The following IPO5 variants were observed in gnomAD, a reference collection of about 807,000 sequenced individuals.
IPO5 encodes the protein importin 5, also known as importin-5.
Under a neutral mutation model 143.3 loss-of-function variants are expected in IPO5, and 18 were observed. The observed-to-expected ratio is 0.13, with a 90% CI of 0.09 to 0.19. The LOEUF is 0.19. Among genes scored for constraint, IPO5 ranks in the 10% least tolerant of loss-of-function variants. The pLI is 1.00. For synonymous variants in IPO5, 477 were observed against 465.7 expected, an observed-to-expected ratio of 1.02 and a Z score of -0.31; for missense variants, 1,013 against 1,336.9, an observed-to-expected ratio of 0.76 and a Z score of 3.78.
intron 6 of IPO5, 36 bp from the exon 7 acceptor site, chr13:97,989,026 T>C: frequency 8.0e-7 from 1 of 1,251,678 alleles, no homozygotes; most frequent in Non-Finnish European, 1.2e-6. Context: ...AAGTTCTGAC[T>C]TACACAACTT....
intron 2 of IPO5, among the ~76,000 whole-genome samples, chr13:97,956,232 A>C (rs1884452269): frequency 6.6e-6 from 1 of 152,184 alleles, no homozygotes. Context: ...TACATGTTTA[A>C]AGAATTTTCT....
At chr13:98,002,346 T>C (rs895450735) in intron 13 of IPO5, 121 bp from the exon 14 acceptor site, 6 of 868,072 alleles carry the variant, frequency 6.9e-6, no homozygotes, top group Non-Finnish European at 1.1e-5. Context: ...TATATACATA[T>C]ACCCTTTTCA....
intron 25 of IPO5, among the ~76,000 whole-genome samples, chr13:98,017,448 C>T (rs1175781952): frequency 2.6e-5 from 4 of 151,896 alleles, no homozygotes; most frequent in South Asian, 2.1e-4. Context: ...TTCAGACGCA[C>T]GCCACCACAC....
chr13:98,008,643 C>T (rs1889459128), intron 18 of IPO5, among the ~76,000 whole-genome samples: 1 of 152,128 alleles, frequency 6.6e-6, no homozygotes, highest in Non-Finnish European at 1.5e-5. Context: ...TTAGGAGGAA[C>T]CCCTGCCTCT....
intron 2 of IPO5, chr13:97,963,313 T>C (rs1885039981): frequency 6.6e-6 from 1 of 152,080 alleles, no homozygotes; most frequent in South Asian, 2.1e-4. Context: ...CACTATTCAA[T>C]TCCATTGATC....
At chr13:98,010,531 G>C (rs1392629700) in intron 20 of IPO5, among the ~76,000 whole-genome samples, 1 of 151,978 alleles carries the variant, frequency 6.6e-6, no homozygotes, top group Non-Finnish European at 1.5e-5. Flanking sequence ...ATTTTTGTTG[G>C]TTTTGTTCTT....
In IPO5 at chr13:97,985,663, CTTT is replaced by C. The variant is rs11366582; in HGVS notation, c.364+62_364+64del. On this transcript the variant is annotated intron_variant, in intron 6 of 28. Transcript: ENST00000651721. ...TACCAAGAACATGGGTATATCCTTC[CTTT>C]TTTTTTTTTTTAATGGAATCTTTTA... 276 of 930,176 alleles carry C rather than the reference CTTT, an allele frequency of 3.0e-4. 1 individual carries two copies. Among genetic ancestry groups the C allele is most frequent in the African/African-American group, 5.8e-4 (33 of 56,456 alleles). The allele number at this position is 930,176 out of a possible 1,614,324, so 57.6% of individuals were successfully genotyped here.
Position 97,990,214 on chromosome 13 carries a change from C to G in IPO5, c.556C>G (p.His186Asp), listed in dbSNP as rs1887693554. The change falls in exon 8 of 29, where the codon CAC becomes GAC. Residue 186 changes from histidine (H) to aspartate (D), a missense_variant. By Grantham distance (81) the His-to-Asp change is moderately conservative. This residue lies in a region of IPO5 where 328 missense variants were observed against 342.0 expected (regional missense o/e 0.96). Coordinates refer to ENST00000651721, the MANE Select transcript of IPO5 (RefSeq NM_002271.6). ...AGTTCAGTGTATGCAAGATCAGGAA[C>G]ACCCGTCGGTAAATAATTTCAATCC... ...MLVQCMQDQEHPSIRTLSARA... is the reference protein window; with the variant it reads ...MLVQCMQDQEDPSIRTLSARA... 1 of 1,595,926 alleles carries G rather than the reference C, an allele frequency of 6.3e-7. No homozygotes were observed. The highest frequency in any genetic ancestry group is 8.6e-7 in the Non-Finnish European group (1 of 1,164,230).
chr13:97,990,897 T>C (rs974523389), intron 9 of IPO5, among the ~76,000 whole-genome samples: 2 of 152,126 alleles, frequency 1.3e-5, no homozygotes, highest in Non-Finnish European at 2.9e-5. Context: ...TTACAGGGTG[T>C]GTAATAGTTT....
Position 97,976,680 on chromosome 13 carries a change from C to T in IPO5, c.-4-13C>T, listed in dbSNP as rs770234227. ...GCTCCTGTCTCCCCTCCCTCCTTCT[C>T]TCTCACGCCTAGCGCAATGGCGGCG... On this transcript the variant is annotated splice_polypyrimidine_tract_variant and intron_variant, in intron 3 of 28. Transcript: ENST00000651721. 2.3e-6 allele frequency: 3 copies of T among 1,317,556 alleles called. No homozygotes were observed. The highest frequency in any genetic ancestry group is 1.6e-5 in the African/African-American group (1 of 63,696). The allele number at this position is 1,317,556 out of a possible 1,614,324, so 81.6% of individuals were successfully genotyped here.
intron 20 of IPO5, among the ~76,000 whole-genome samples, chr13:98,010,577 CAAAT>C: frequency 6.6e-6 from 1 of 151,992 alleles, no homozygotes; most frequent in Non-Finnish European, 1.5e-5. Context: ...GTTTTTTAAA[CAAAT>C]GAACAGAAGT....
chr13:98,007,838 C>T (rs1323655919), intron 17 of IPO5, among the ~76,000 whole-genome samples: 2 of 152,156 alleles, frequency 1.3e-5, no homozygotes, highest in South Asian at 2.1e-4. Flanking sequence ...ATTAGAAGTA[C>T]CTTTATACTG....
chr13:97,987,092 G>A (rs1314008628), intron 6 of IPO5: 1 of 169,060 alleles, frequency 5.9e-6, no homozygotes, highest in African/African-American at 2.4e-5. Flanking sequence ...AAGTCACAGA[G>A]ATGGGGATCT....
At position 98,021,844 on chromosome 13, in the gene IPO5, A is replaced by G. The variant is rs375725848; in HGVS notation, c.*22A>G. The G allele has an allele frequency of 3.4e-5, 53 of 1,536,486 alleles. No individual in the cohort carries two copies. Among genetic ancestry groups the G allele is most frequent in the Non-Finnish European group, 4.7e-5 (53 of 1,118,726 alleles). On this transcript the variant is annotated 3_prime_UTR_variant, in exon 29 of 29. Coordinates refer to ENST00000651721, the MANE Select transcript of IPO5 (RefSeq NM_002271.6). ...GTGAAGGGCCTTAATGTCACCCACC[A>G]GAAAACTAACTCCAAATAAACGCTT...
At chr13:98,016,266 T>C (rs1179630514) in intron 24 of IPO5, among the ~76,000 whole-genome samples, 2 of 152,204 alleles carry the variant, frequency 1.3e-5, no homozygotes, top group African/African-American at 4.8e-5. Flanking sequence ...GGGCCAGTGC[T>C]ACCGTGTAGG....
At chr13:98,004,245 C>T (rs1032078722) in intron 16 of IPO5, among the ~76,000 whole-genome samples, 1 of 152,170 alleles carries the variant, frequency 6.6e-6, no homozygotes, top group African/African-American at 2.4e-5. Context: ...GTTAACAAAC[C>T]ACAGTTTGCA....
chr13:98,010,480 T>C (rs917914618), intron 20 of IPO5, among the ~76,000 whole-genome samples: 2 of 152,188 alleles, frequency 1.3e-5, no homozygotes, highest in Non-Finnish European at 2.9e-5. Flanking sequence ...TGGAGTAATA[T>C]ACAGCCATTA....
intron 16 of IPO5, among the ~76,000 whole-genome samples, chr13:98,003,720 A>G (rs945208245): frequency 7.9e-5 from 12 of 152,016 alleles, no homozygotes; most frequent in African/African-American, 2.7e-4. Context: ...GTGGTGGTGC[A>G]CGCCTGTAAT....
intron 11 of IPO5, among the ~76,000 whole-genome samples, chr13:97,995,935 A>T (rs1362022616): frequency 1.3e-5 from 2 of 152,220 alleles, no homozygotes; most frequent in African/African-American, 4.8e-5. Flanking sequence ...AACATTGCCA[A>T]ATTGGCAAAT....
Sources: gnomAD v4.1 joint callset for allele counts (sites outside exome capture counted in the v4.1 genomes callset) on GRCh38, gnomAD v4.1.1 for gene constraint, gnomAD v4.1.1 regional missense constraint, MANE v1.5 for transcripts, NCBI Gene and HGNC (gene_info 2026-07-23, HGNC 2026-07-21) for gene names.